Variants in KAT6A observed in about 807,000 individuals in gnomAD.
KAT6A encodes the protein histone acetyltransferase KAT6A.
In KAT6A, 9 loss-of-function variants were observed where a neutral mutation model predicts 198.4. The observed-to-expected ratio is 0.05, with a 90% CI of 0.03 to 0.08. The LOEUF (loss-of-function observed/expected upper bound fraction) is 0.08. KAT6A is among the 10% of genes least tolerant of loss of function. The probability of loss-of-function intolerance (pLI) is 1.00; values close to 1 mark genes in which losing one functional copy is unlikely to be tolerated. For missense variants in KAT6A, 2,077 were observed against 2,509.9 expected, an observed-to-expected ratio of 0.83 and a Z score of 3.69; for synonymous variants, 890 against 883.0, an observed-to-expected ratio of 1.01 and a Z score of -0.14.
chr8:41,936,903 G>A (rs754293206), intron 16 of KAT6A, among the ~76,000 whole-genome samples: 1 of 152,202 alleles, frequency 6.6e-6, no homozygotes, highest in Non-Finnish European at 1.5e-5. Context: ...TAAGTCTAGA[G>A]AATGCACATT....
chr8:41,936,187 G>A (rs1420647569), intron 16 of KAT6A, among the ~76,000 whole-genome samples: 3 of 152,140 alleles, frequency 2.0e-5, no homozygotes, highest in Non-Finnish European at 4.4e-5. Flanking sequence ...GCTTGAACCC[G>A]GAGGTGGAGG....
chr8:42,046,220 C>A (rs1802283970), intron 2 of KAT6A, among the ~76,000 whole-genome samples: 1 of 152,030 alleles, frequency 6.6e-6, no homozygotes, highest in Non-Finnish European at 1.5e-5. Flanking sequence ...ATTGATAATT[C>A]AAGCAAGTGT....
intron 1 of KAT6A, among the ~76,000 whole-genome samples, chr8:42,050,812 C>G (rs1037779187): frequency 2.6e-5 from 4 of 152,180 alleles, no homozygotes; most frequent in African/African-American, 9.7e-5. Flanking sequence ...GTGACAGTCA[C>G]TCATTGTCTT....
Position 42,040,595 on chromosome 8 carries a change from C to T in KAT6A, c.600+7783G>A, listed in dbSNP as rs560968222. 8.6e-5 allele frequency among the ~76,000 whole-genome samples: 13 copies of T among 151,594 alleles called. No individual in the cohort carries two copies. In the South Asian group the frequency reaches 2.5e-3, roughly 29 times the overall value. On this transcript the variant is annotated intron_variant, in intron 2 of 16. Transcript: ENST00000265713. ...CTAAAAATACAAAAAATTAGCCAGG[C>T]GTGGTGGCGGGTGCATGTAAACCCA...
chr8:42,044,587 A>G (rs1827821373), intron 2 of KAT6A, among the ~76,000 whole-genome samples: 2 of 152,194 alleles, frequency 1.3e-5, no homozygotes, highest in Admixed American at 6.5e-5. Context: ...CCAAAGGTTA[A>G]TATCACCAAA....
Position 41,981,032 on chromosome 8 carries a change from G to A in KAT6A, c.826-105C>T, listed in dbSNP as rs1162340401. On this transcript the variant is annotated intron_variant, in intron 4 of 16. Transcript: ENST00000265713. ...GAAAGCTTCAGGGATCTTAAAAAAA[G>A]AGATAAGCCAGGCGCAATGGCTCAC... 9.5e-6 allele frequency: 8 copies of A among 841,572 alleles called. No homozygotes were observed. The East Asian group carries it at 2.0e-4, about 21-fold the overall frequency. 52.1% of individuals were successfully genotyped at this position (841,572 alleles called of 1,614,324 possible). A position where few individuals can be genotyped will look rare whatever the true frequency, so the allele number is the denominator to read the frequency against.
At chr8:41,959,432 TG>T (rs1823084907) in intron 8 of KAT6A, among the ~76,000 whole-genome samples, 1 of 152,202 alleles carries the variant, frequency 6.6e-6, no homozygotes. Context: ...ACAGCTGCTG[TG>T]GAAAACAGTA....
At chr8:42,010,172 G>A (rs574228020) in intron 2 of KAT6A, among the ~76,000 whole-genome samples, 14 of 152,112 alleles carry the variant, frequency 9.2e-5, no homozygotes, top group African/African-American at 2.4e-4. Context: ...TGGTGTGGTC[G>A]CGCACGCATG....
chr8:41,984,733 C>G (rs559391186), intron 3 of KAT6A, among the ~76,000 whole-genome samples: 10 of 152,128 alleles, frequency 6.6e-5, no homozygotes, highest in Non-Finnish European at 2.9e-5. Context: ...AATCCCAACA[C>G]TTTGGGAGGC....
rs1423470695 is a variant in KAT6A at position 41,941,087 on chromosome 8, T to G, written c.2794A>C (p.Lys932Gln). ...ASEEQPSQDGKPDLPKRRLSE... is the reference protein window; with the variant it reads ...ASEEQPSQDGQPDLPKRRLSE... Reference sequence around the variant, plus strand: ...AGTCTTCTCTTGGGAAGGTCAGGTTTCCCGTCCTGGCTTGGCTGCTCCTCA... The same window carrying G: ...AGTCTTCTCTTGGGAAGGTCAGGTTGCCCGTCCTGGCTTGGCTGCTCCTCA... Residue 932 changes from lysine to glutamine, a missense_variant, in exon 15 of 17, where the codon AAA (lysine) becomes CAA (glutamine). Lys to Gln is a moderately conservative substitution (Grantham distance 53, BLOSUM62 1). This residue lies in a region of KAT6A where 301 missense variants were observed against 272.2 expected (regional missense o/e 1.11). Transcript: ENST00000265713. 1.2e-6 allele frequency: 2 copies of G among 1,614,234 alleles called. No homozygotes were observed. Among genetic ancestry groups the G allele is most frequent in the African/African-American group, 1.3e-5 (1 of 75,060 alleles).
At chr8:41,992,659 C>T (rs1269923455) in intron 2 of KAT6A, among the ~76,000 whole-genome samples, 1 of 152,096 alleles carries the variant, frequency 6.6e-6, no homozygotes, top group Non-Finnish European at 1.5e-5. Flanking sequence ...CATTGTATCA[C>T]TTTAGCAGTC....
intron 9 of KAT6A, among the ~76,000 whole-genome samples, chr8:41,952,018 T>A (rs771791522): frequency 2.0e-5 from 3 of 152,188 alleles, no homozygotes; most frequent in Non-Finnish European, 4.4e-5. Context: ...GCAAAATGAA[T>A]ACAGTAATAT....
intron 12 of KAT6A, 119 bp from the exon 13 acceptor site, chr8:41,944,098 C>CA (rs376434990): frequency 0.049 from 20,045 of 405,710 alleles, 3 homozygotes; most frequent in South Asian, 0.067. Context: ...AAATTCCTTC[C>CA]AAAAAAAAAA....
intron 8 of KAT6A, among the ~76,000 whole-genome samples, chr8:41,964,360 T>C (rs1194189588): frequency 3.3e-5 from 5 of 152,122 alleles, no homozygotes; most frequent in Admixed American, 3.3e-4. Flanking sequence ...ATGGCTTTAA[T>C]TACTTGTTTA....
At chr8:41,970,016 C>G (rs1823703315) in intron 8 of KAT6A, among the ~76,000 whole-genome samples, 1 of 152,174 alleles carries the variant, frequency 6.6e-6, no homozygotes, top group African/African-American at 2.4e-5. Context: ...CAAGGTAGCC[C>G]AGCCCGTCAG....
chr8:41,985,964 CAG>C (rs1564043272), intron 3 of KAT6A, among the ~76,000 whole-genome samples: 1 of 151,836 alleles, frequency 6.6e-6, no homozygotes, highest in African/African-American at 2.4e-5. Flanking sequence ...TAATTTAAGA[CAG>C]AGTCTCGCTC....
At chr8:42,043,579 T>A (rs1827767774) in intron 2 of KAT6A, 1 of 152,178 alleles carries the variant, frequency 6.6e-6, no homozygotes, top group Non-Finnish European at 1.5e-5. Context: ...TGGTCCAAAG[T>A]GAATTTTCAA....
chr8:41,934,022 A>T lies in KAT6A; in HGVS notation c.4198T>A (p.Ser1400Thr), dbSNP rs769379441. The T allele has an allele frequency of 6.2e-6, 10 of 1,613,782 alleles. No individual in the cohort carries two copies. The highest frequency in any genetic ancestry group is 6.8e-6 in the Non-Finnish European group (8 of 1,180,006). ...TCGATTAACTCTTCCTTAGTGTGGG[A>T]GTCTTCTTCGTGGTCGTCCTCAGAC... ...AGSEDDHEED[S>T]HTKEELIELK... Residue 1400 changes from serine (S) to threonine (T), a missense_variant, in exon 17 of 17, where the codon TCC becomes ACC. Coordinates refer to ENST00000265713, the MANE Select transcript of KAT6A (RefSeq NM_006766.5).
At chr8:42,013,488 C>A (rs1229323830) in intron 2 of KAT6A, among the ~76,000 whole-genome samples, 1 of 152,170 alleles carries the variant, frequency 6.6e-6, no homozygotes, top group Non-Finnish European at 1.5e-5. Flanking sequence ...CCGCCTTGGC[C>A]TCCCAAAGTG....
Sources: allele counts gnomAD v4.1 joint callset (sites outside exome capture counted in the v4.1 genomes callset), GRCh38; gene constraint gnomAD v4.1.1; regional missense constraint gnomAD v4.1.1; transcripts MANE v1.5; gene names NCBI Gene and HGNC (gene_info 2026-07-23, HGNC 2026-07-21).